CCDC60: variants seen among roughly 807,000 people sequenced by gnomAD.
CCDC60 encodes the protein coiled-coil domain-containing protein 60.
In CCDC60, 54 loss-of-function variants were observed where a neutral mutation model predicts 63.5. The ratio of observed to expected loss-of-function variants is 0.85; its 90% CI spans 0.68 to 1.07. The LOEUF (loss-of-function observed/expected upper bound fraction) is 1.07. Ranked by LOEUF, CCDC60 falls within the 50% of genes least tolerant of loss-of-function variation. The probability of loss-of-function intolerance (pLI) is 0.00; values close to 1 mark genes in which losing one functional copy is unlikely to be tolerated. For synonymous variants in CCDC60, 206 were observed against 238.8 expected (o/e 0.86, Z 1.27); for missense variants, 651 against 684.3 (o/e 0.95, Z 0.54).
At chr12:119,460,622 C>T (rs1051935600) in intron 2 of CCDC60, among the ~76,000 whole-genome samples, 2 of 152,204 alleles carry the variant, frequency 1.3e-5, no homozygotes, top group African/African-American at 4.8e-5. Context: ...AAGGTCTGTT[C>T]AATGTCTTCT....
At chr12:119,344,229 A>C (rs960374107) in intron 1 of CCDC60, among the ~76,000 whole-genome samples, 23 of 152,252 alleles carry the variant, frequency 1.5e-4, no homozygotes, top group Admixed American at 9.2e-4. Context: ...AACGAAAAAC[A>C]TCTCAGTATT....
chr12:119,347,464 T>A (rs1254552673), intron 1 of CCDC60, among the ~76,000 whole-genome samples: 2 of 152,216 alleles, frequency 1.3e-5, no homozygotes, highest in Non-Finnish European at 2.9e-5. Flanking sequence ...TTTTCTGATC[T>A]CACCACTGGA....
At chr12:119,393,714 C>A (rs1181507651) in intron 1 of CCDC60, among the ~76,000 whole-genome samples, 1 of 152,192 alleles carries the variant, frequency 6.6e-6, no homozygotes, top group East Asian at 1.9e-4. Flanking sequence ...AGTGGCAACT[C>A]GTGCCCACAC....
At chr12:119,528,855 T>C in intron 12 of CCDC60, 109 bp downstream of exon 12, 1 of 1,146,212 alleles carries the variant, frequency 8.7e-7, no homozygotes, top group Non-Finnish European at 1.2e-6. Context: ...GAGGCATTAC[T>C]CCAAAACTGT....
chr12:119,482,019 GTATATATGTGTGTATATATATGTA>G lies in CCDC60; in HGVS notation c.449+2841_449+2864del, dbSNP rs1951335126. ...ATATGTATATATAGTATATATATATGTATATATGTGTGTATATATATGTATATATATGTGTGTATATATATGATG... is the reference window on the plus strand; with the variant it reads ...ATATGTATATATAGTATATATATATGTATATATGTGTGTATATATATGATG... On this transcript the variant is annotated intron_variant, in intron 4 of 13. Transcript: ENST00000327554. 4.0e-5 allele frequency among the ~76,000 whole-genome samples: 5 copies of G among 125,202 alleles called. No individual in the cohort carries two copies. In the South Asian group the frequency reaches 9.5e-4, roughly 24 times the overall value. The allele number at this position is 125,202 out of a possible 152,430, so 82.1% of individuals were successfully genotyped here.
intron 2 of CCDC60, among the ~76,000 whole-genome samples, chr12:119,469,676 A>G (rs1951019585): frequency 6.6e-6 from 1 of 152,214 alleles, no homozygotes. Context: ...ACCAGGAGTA[A>G]CAACCAAATT....
rs1951668608 is a variant in CCDC60 at position 119,494,354 on chromosome 12, C to G, written c.557+5488C>G. 2.0e-5 allele frequency among the ~76,000 whole-genome samples: 3 copies of G among 152,202 alleles called. No individual in the cohort carries two copies. In the South Asian group the frequency reaches 6.2e-4, roughly 32 times the overall value. ...CCTACTAACCTTCCAGCAGGTACAG[C>G]ACACACCTCAAAGGAGTTGTTCCAA... On this transcript the variant is annotated intron_variant, in intron 5 of 13. Transcript: ENST00000327554.
chr12:119,395,063 C>T (rs999889657), intron 1 of CCDC60, among the ~76,000 whole-genome samples: 1 of 152,146 alleles, frequency 6.6e-6, no homozygotes, highest in African/African-American at 2.4e-5. Flanking sequence ...GCATTGCCTA[C>T]AGAAGGTATA....
intron 5 of CCDC60, among the ~76,000 whole-genome samples, chr12:119,494,499 G>A (rs764855011): frequency 9.9e-5 from 15 of 152,168 alleles, no homozygotes; most frequent in Non-Finnish European, 1.9e-4. Flanking sequence ...GTTTAGTGGG[G>A]AGACCAAGTG....
chr12:119,533,468 G>A (rs1291722327), intron 13 of CCDC60, among the ~76,000 whole-genome samples: 1 of 152,166 alleles, frequency 6.6e-6, no homozygotes, highest in East Asian at 1.9e-4. Flanking sequence ...ATTGCTTTTG[G>A]TGTTTTAGTC....
chr12:119,438,204 A>G (rs1013967620), intron 2 of CCDC60, among the ~76,000 whole-genome samples: 3 of 152,118 alleles, frequency 2.0e-5, no homozygotes, highest in African/African-American at 7.2e-5. Flanking sequence ...CCTTTCTTAC[A>G]CTACTCTCTC....
At chr12:119,467,353 T>TC (rs1176719886) in intron 2 of CCDC60, among the ~76,000 whole-genome samples, 7 of 152,268 alleles carry the variant, frequency 4.6e-5, no homozygotes, top group Non-Finnish European at 1.0e-4. Context: ...AATGTTTGTG[T>TC]CCCCCCACCA....
In CCDC60 at chr12:119,523,001, A is replaced by G. The variant is rs1240579355; in HGVS notation, c.1103A>G (p.Asn368Ser). The G allele has an allele frequency of 3.1e-6, 5 of 1,614,092 alleles. No homozygotes were observed. Among genetic ancestry groups the G allele is most frequent in the South Asian group, 1.1e-5 (1 of 91,084 alleles). ...CAACCAGTCCAGAAGAAGTCTAAAAAGTAAGCCAGGAGGGCAATGGAAGGA... is the reference window on the plus strand; with the variant it reads ...CAACCAGTCCAGAAGAAGTCTAAAAGGTAAGCCAGGAGGGCAATGGAAGGA... ...HIQPVQKKSK[N>S]RTNCDINIHY... The change falls in exon 10 of 14, where the codon AAC (asparagine) becomes AGC (serine). Residue 368 changes from asparagine to serine, a missense_variant and splice_region_variant. Physicochemically the swap from Asn to Ser is conservative, Grantham distance 46. Coordinates refer to ENST00000327554, the MANE Select transcript of CCDC60 (RefSeq NM_178499.5).
At chr12:119,367,562 T>G (rs1955853335) in intron 1 of CCDC60, among the ~76,000 whole-genome samples, 1 of 152,294 alleles carries the variant, frequency 6.6e-6, no homozygotes, top group Non-Finnish European at 1.5e-5. Context: ...AGGTTTGCCC[T>G]TAGCTGTGAC....
At chr12:119,444,699 ACTCTT>A (rs1430028624) in intron 2 of CCDC60, among the ~76,000 whole-genome samples, 1 of 151,792 alleles carries the variant, frequency 6.6e-6, no homozygotes, top group Non-Finnish European at 1.5e-5. Context: ...CACGCTGGCC[ACTCTT>A]CTCTGACATC....
Position 119,447,493 on chromosome 12 carries a change from G to A in CCDC60, c.170+18731G>A, listed in dbSNP as rs1220061228. On this transcript the variant is annotated intron_variant, in intron 2 of 13. Transcript: ENST00000327554. ...TGTTTGTCCTGAAATTATAAACCAGGGGGTAATTTGGAAATTGTTGGTGTG... is the reference window on the plus strand; with the variant it reads ...TGTTTGTCCTGAAATTATAAACCAGAGGGTAATTTGGAAATTGTTGGTGTG... Among the ~76,000 whole-genome samples, 6 of 152,212 alleles carry A rather than the reference G, an allele frequency of 3.9e-5. No individual in the cohort carries two copies. In the East Asian group the frequency reaches 1.2e-3, roughly 29 times the overall value.
chr12:119,471,743 T>C (rs935618471), intron 2 of CCDC60, among the ~76,000 whole-genome samples: 2 of 152,080 alleles, frequency 1.3e-5, no homozygotes, highest in Non-Finnish European at 2.9e-5. Context: ...CCCAAGACAA[T>C]AAGAGTCAAC....
At chr12:119,444,511 G>A (rs1950502799) in intron 2 of CCDC60, among the ~76,000 whole-genome samples, 3 of 152,204 alleles carry the variant, frequency 2.0e-5, no homozygotes, top group African/African-American at 7.2e-5. Flanking sequence ...GCCATTACGT[G>A]AATTATTCAT....
intron 1 of CCDC60, among the ~76,000 whole-genome samples, chr12:119,426,361 T>G (rs12302643): frequency 0.23 from 34,378 of 150,084 alleles, 3,913 homozygotes; most frequent in Middle Eastern, 0.25. Context: ...ATTTTTGTTT[T>G]GTTTTGTTTT....
Sources: allele counts gnomAD v4.1 joint callset (sites outside exome capture counted in the v4.1 genomes callset), GRCh38; gene constraint gnomAD v4.1.1; transcripts MANE v1.5; gene names NCBI Gene and HGNC (gene_info 2026-07-23, HGNC 2026-07-21).